Variants in SUFU observed in about 807,000 individuals in gnomAD.
SUFU encodes suppressor of fused homolog.
In SUFU, 7 loss-of-function variants were observed where a neutral mutation model predicts 58.9. The observed-to-expected ratio is 0.12, with a 90% CI of 0.07 to 0.22. The LOEUF (loss-of-function observed/expected upper bound fraction) is 0.22. Ranked by LOEUF, SUFU falls within the 10% of genes least tolerant of loss-of-function variation. The probability of loss-of-function intolerance (pLI) is 1.00; values close to 1 mark genes in which losing one functional copy is unlikely to be tolerated. For synonymous variants in SUFU, 232 were observed against 254.8 expected, an observed-to-expected ratio of 0.91 and a Z score of 0.85; for missense variants, 451 against 641.3, an observed-to-expected ratio of 0.70 and a Z score of 3.20.
intron 11 of SUFU, 27 bp from the exon 12 acceptor site, chr10:102,630,039 C>T (rs755213682): frequency 6.2e-7 from 1 of 1,605,744 alleles, no homozygotes; most frequent in Non-Finnish European, 8.5e-7. Flanking sequence ...CACTCACACT[C>T]CTGGTCTGTG....
chr10:102,600,020 C>T (rs980663233), intron 8 of SUFU, among the ~76,000 whole-genome samples: 9 of 152,164 alleles, frequency 5.9e-5, no homozygotes, highest in Admixed American at 2.6e-4. Flanking sequence ...TGCCTCTCTT[C>T]CCTGGGGCCC....
chr10:102,551,937 G>C (rs1289543838), intron 3 of SUFU, among the ~76,000 whole-genome samples: 5 of 151,490 alleles, frequency 3.3e-5, no homozygotes, highest in Admixed American at 3.3e-4. Context: ...TTGTTAGCCA[G>C]GACGGTCTCG....
chr10:102,585,468 G>A (rs11191343), intron 3 of SUFU, among the ~76,000 whole-genome samples: 16,117 of 152,120 alleles, frequency 0.11, 1,292 homozygotes, highest in East Asian at 0.42. Context: ...CATTCTAGTG[G>A]ATATGAAGTG....
At chr10:102,562,490 T>C (rs1472681130) in intron 3 of SUFU, among the ~76,000 whole-genome samples, 2 of 151,770 alleles carry the variant, frequency 1.3e-5, no homozygotes, top group African/African-American at 4.8e-5. Context: ...GCCGCTACAG[T>C]CTAGCCTGGG....
At chr10:102,505,222 T>C (rs967879943) in intron 1 of SUFU, among the ~76,000 whole-genome samples, 5 of 152,138 alleles carry the variant, frequency 3.3e-5, no homozygotes, top group African/African-American at 1.2e-4. Flanking sequence ...GAGCTGAGAG[T>C]AACCCTCAAG....
At chr10:102,515,659 T>C (rs2062460126) in intron 2 of SUFU, among the ~76,000 whole-genome samples, 1 of 152,160 alleles carries the variant, frequency 6.6e-6, no homozygotes, top group African/African-American at 2.4e-5. Flanking sequence ...AGATCCTTTC[T>C]TCGCCATACA....
At chr10:102,618,792 T>TC in intron 10 of SUFU, 2 of 540,540 alleles carry the variant, frequency 3.7e-6, no homozygotes, top group South Asian at 5.4e-5. Context: ...CCCAGCCATG[T>TC]CCCGGGCTGC....
intron 2 of SUFU, among the ~76,000 whole-genome samples, chr10:102,510,689 A>G (rs569460655): frequency 6.6e-6 from 1 of 152,112 alleles, no homozygotes; most frequent in South Asian, 2.1e-4. Flanking sequence ...CAGGCATGGT[A>G]GCATGTGCCT....
rs1254459355 is a variant in SUFU at position 102,617,732 on chromosome 10, A to T, written c.1296+304A>T. 2 of 579,278 alleles carry T rather than the reference A, an allele frequency of 3.5e-6. No individual in the cohort carries two copies. The highest frequency in any genetic ancestry group is 6.1e-6 in the Non-Finnish European group (2 of 326,282). 35.9% of individuals were successfully genotyped at this position (579,278 alleles called of 1,614,324 possible). On this transcript the variant is annotated intron_variant, in intron 10 of 11. Transcript: ENST00000369902. This position sits in a 1 kb window ranked among gnomAD's most constrained non-coding sequence, Gnocchi z 4.4. ...GAAATCCAGGTTGGAGGGATATAAG[A>T]CTTTCTGCACCTTGGGTAAACCAAG... is the stretch of plus-strand genomic sequence containing the variant.
intron 7 of SUFU, among the ~76,000 whole-genome samples, chr10:102,597,831 G>A (rs551437532): frequency 6.6e-6 from 1 of 152,352 alleles, no homozygotes; most frequent in East Asian, 1.9e-4. Flanking sequence ...TGGACCCACC[G>A]TGTTCCGGAT....
In SUFU at chr10:102,619,870, T is replaced by C. The variant is rs1271889958; in HGVS notation, c.1296+2442T>C. Reference sequence around the variant, plus strand: ...GAGTCTGCAGGACCTCCTAGAGGCCTGGGGTTAGACTTGCAGTCGCCAGTG... The same window carrying C: ...GAGTCTGCAGGACCTCCTAGAGGCCCGGGGTTAGACTTGCAGTCGCCAGTG... On this transcript the variant is annotated intron_variant, in intron 10 of 11. Coordinates refer to ENST00000369902, the MANE Select transcript of SUFU (RefSeq NM_016169.4). The surrounding 1 kb of genome is among the most constrained non-coding windows in gnomAD (Gnocchi z 4.2). Among the ~76,000 whole-genome samples the C allele has an allele frequency of 1.3e-5, 2 of 152,070 alleles. No homozygotes were observed. The highest frequency in any genetic ancestry group is 2.9e-5 in the Non-Finnish European group (2 of 67,980).
chr10:102,594,135 C>G lies in SUFU; in HGVS notation c.756+70C>G, dbSNP rs1022407537. ...GCCTCTTCCAAATAACACTGGCTTT[C>G]ATCCTGGGAAAACAGAGGACCTTTA... On this transcript the variant is annotated intron_variant, in intron 6 of 11. Transcript: ENST00000369902. 1.3e-5 allele frequency: 19 copies of G among 1,500,712 alleles called. No homozygotes were observed. The East Asian group carries it at 4.3e-4, about 34-fold the overall frequency. The allele number at this position is 1,500,712 out of a possible 1,614,324, so 93.0% of individuals were successfully genotyped here.
chr10:102,518,563 T>A (rs1158651696), intron 2 of SUFU, among the ~76,000 whole-genome samples: 3 of 60,840 alleles, frequency 4.9e-5, no homozygotes, highest in Non-Finnish European at 1.1e-4. Flanking sequence ...TTATTTATTT[T>A]TGACACAGGG....
intron 3 of SUFU, among the ~76,000 whole-genome samples, chr10:102,577,863 A>G (rs1293152998): frequency 2.0e-5 from 3 of 148,162 alleles, no homozygotes; most frequent in Non-Finnish European, 4.5e-5. Flanking sequence ...TTGTATTTTT[A>G]GTAGAGATGG....
chr10:102,545,788 A>G (rs1465121008), intron 2 of SUFU, among the ~76,000 whole-genome samples: 2 of 152,114 alleles, frequency 1.3e-5, no homozygotes, highest in African/African-American at 4.8e-5. Context: ...AGCCTGGGCA[A>G]CATAATGAAA....
At chr10:102,529,852 G>A (rs1463747332) in intron 2 of SUFU, among the ~76,000 whole-genome samples, 2 of 151,876 alleles carry the variant, frequency 1.3e-5, no homozygotes, top group African/African-American at 2.4e-5. Flanking sequence ...GGCTGAGGCA[G>A]GAGAATCGCT....
At chr10:102,604,177 G>T (rs2063541009) in intron 8 of SUFU, among the ~76,000 whole-genome samples, 1 of 152,310 alleles carries the variant, frequency 6.6e-6, no homozygotes, top group East Asian at 1.9e-4. Context: ...GAAAGAAACA[G>T]CCCTTCTCTT....
chr10:102,628,529 G>A lies in SUFU; in HGVS notation c.1365+1286G>A, dbSNP rs548683538. 1.3e-5 allele frequency among the ~76,000 whole-genome samples: 2 copies of A among 152,360 alleles called. No homozygotes were observed. Among genetic ancestry groups the A allele is most frequent in the Admixed American group, 6.5e-5 (1 of 15,306 alleles). On this transcript the variant is annotated intron_variant, in intron 11 of 11. Transcript: ENST00000369902. This position sits in a 1 kb window ranked among gnomAD's most constrained non-coding sequence, Gnocchi z 4.5. ...GCTTCCGGAGAGGCCTTGTCGCACT[G>A]GGATGGCGCTGTGCCAGGCTGCTGC... is the stretch of plus-strand genomic sequence containing the variant.
At chr10:102,523,721 G>A (rs765056858) in intron 2 of SUFU, among the ~76,000 whole-genome samples, 109 of 152,316 alleles carry the variant, frequency 7.2e-4, no homozygotes, top group Admixed American at 1.2e-3. Context: ...AAAAGGCCCA[G>A]AAGGAAGATG....
Sources: allele counts gnomAD v4.1 joint callset (sites outside exome capture counted in the v4.1 genomes callset), GRCh38; gene constraint gnomAD v4.1.1; non-coding constraint Gnocchi (gnomAD v3.1); transcripts MANE v1.5; gene names NCBI Gene and HGNC (gene_info 2026-07-23, HGNC 2026-07-21).